The following SPTLC1 variants were observed in gnomAD, a reference collection of about 807,000 sequenced individuals.
SPTLC1 encodes serine palmitoyltransferase long chain base subunit 1, also known as serine palmitoyltransferase 1.
In SPTLC1, 55 loss-of-function variants were observed where a neutral mutation model predicts 68.9. That is an observed-to-expected ratio of 0.80 (90% confidence interval 0.64 to 1.00). The LOEUF (loss-of-function observed/expected upper bound fraction) is 1.00. SPTLC1 is among the 50% of genes least tolerant of loss of function. The pLI is 0.00. For synonymous variants in SPTLC1, 197 were observed against 201.6 expected (o/e 0.98, Z 0.19); for missense variants, 449 against 573.1 (o/e 0.78, Z 2.21).
intron 3 of SPTLC1, among the ~76,000 whole-genome samples, chr9:92,082,321 T>C (rs1834916015): frequency 6.6e-6 from 1 of 151,954 alleles, no homozygotes; most frequent in Admixed American, 6.6e-5. Context: ...ACATGTGACA[T>C]GCTGGTGTGC....
intron 13 of SPTLC1, among the ~76,000 whole-genome samples, chr9:92,037,613 G>A (rs1462994765): frequency 1.3e-5 from 2 of 152,220 alleles, no homozygotes; most frequent in Non-Finnish European, 2.9e-5. Context: ...AGGGCAGGAA[G>A]CACTCTGGAG....
chr9:92,081,922 C>A (rs942011494), intron 3 of SPTLC1, among the ~76,000 whole-genome samples: 1 of 152,026 alleles, frequency 6.6e-6, no homozygotes, highest in African/African-American at 2.4e-5. Context: ...TGCTGGGAAA[C>A]CAGGAAAAGA....
chr9:92,079,311 G>T, intron 5 of SPTLC1: 1 of 1,118,016 alleles, frequency 8.9e-7, no homozygotes, highest in East Asian at 3.0e-5. Flanking sequence ...CCTGACCTCA[G>T]GTGATCTGCC....
chr9:92,045,300 C>A (rs1280991410), intron 12 of SPTLC1, among the ~76,000 whole-genome samples: 1 of 150,804 alleles, frequency 6.6e-6, no homozygotes, highest in Non-Finnish European at 1.5e-5. Context: ...AATGTGAAAT[C>A]ACTTTATATA....
At chr9:92,098,860 A>G (rs1307064076) in intron 3 of SPTLC1, among the ~76,000 whole-genome samples, 3 of 151,906 alleles carry the variant, frequency 2.0e-5, no homozygotes, top group Non-Finnish European at 2.9e-5. Flanking sequence ...GCAGCTGCAT[A>G]TAACAACCAG....
At chr9:92,044,499 A>G (rs1233606101) in intron 12 of SPTLC1, among the ~76,000 whole-genome samples, 1 of 152,242 alleles carries the variant, frequency 6.6e-6, no homozygotes, top group Non-Finnish European at 1.5e-5. Flanking sequence ...AGCAGAAGCC[A>G]GGTCTCAGAG....
chr9:92,083,731 T>C (rs1268663520), intron 3 of SPTLC1, among the ~76,000 whole-genome samples: 9 of 152,152 alleles, frequency 5.9e-5, no homozygotes, highest in Non-Finnish European at 1.2e-4. Flanking sequence ...TGGGCTCTTT[T>C]TTGGTTCCAT....
intron 3 of SPTLC1, among the ~76,000 whole-genome samples, chr9:92,107,191 G>A (rs1836030352): frequency 1.3e-5 from 2 of 152,104 alleles, no homozygotes; most frequent in Non-Finnish European, 2.9e-5. Context: ...TCTAATCAAC[G>A]TTTATTATAA....
At chr9:92,108,384 A>G in intron 3 of SPTLC1, 2 of 311,050 alleles carry the variant, frequency 6.4e-6, no homozygotes, top group South Asian at 3.0e-5. Context: ...CATACTATAC[A>G]GTATCTAGAA....
At position 92,100,561 on chromosome 9, in the gene SPTLC1, C is replaced by T. The variant is rs567387546; in HGVS notation, c.260+8179G>A. Among the ~76,000 whole-genome samples, 5 of 152,312 alleles carry T rather than the reference C, an allele frequency of 3.3e-5. No individual in the cohort carries two copies. The South Asian group carries it at 1.0e-3, about 32-fold the overall frequency. ...ATTGTGCCATCAGTGCGCTCACCAA[C>T]TGGCCCTGGTGTTTCTAGGTGATCC... On this transcript the variant is annotated intron_variant, in intron 3 of 14. Transcript: ENST00000262554.
chr9:92,080,821 C>A (rs1834855311), intron 4 of SPTLC1, 49 bp downstream of exon 4: 1 of 1,465,888 alleles, frequency 6.8e-7, no homozygotes. Context: ...TGTCTAGTTT[C>A]TTAAATCAGT....
At chr9:92,106,944 C>T (rs909267553) in intron 3 of SPTLC1, among the ~76,000 whole-genome samples, 1 of 152,100 alleles carries the variant, frequency 6.6e-6, no homozygotes, top group Admixed American at 6.5e-5. Context: ...AGCAACTTTA[C>T]TATAGAAAAC....
intron 3 of SPTLC1, among the ~76,000 whole-genome samples, chr9:92,092,645 G>C (rs1038889767): frequency 1.3e-5 from 2 of 152,166 alleles, no homozygotes; most frequent in Non-Finnish European, 2.9e-5. Flanking sequence ...TGAGGCAGGA[G>C]AATGGCTTGA....
intron 3 of SPTLC1, among the ~76,000 whole-genome samples, chr9:92,087,849 G>C (rs934794098): frequency 1.3e-5 from 2 of 152,262 alleles, no homozygotes; most frequent in Non-Finnish European, 2.9e-5. Flanking sequence ...GCCCCCAGAG[G>C]TGGAGCCTAC....
At chr9:92,088,341 C>T (rs1835236173) in intron 3 of SPTLC1, among the ~76,000 whole-genome samples, 1 of 152,266 alleles carries the variant, frequency 6.6e-6, no homozygotes. Flanking sequence ...TTCTGCGTCG[C>T]TCACGCTGGG....
At chr9:92,049,001 T>C (rs1833611830) in intron 9 of SPTLC1, among the ~76,000 whole-genome samples, 1 of 152,174 alleles carries the variant, frequency 6.6e-6, no homozygotes, top group Admixed American at 6.5e-5. Flanking sequence ...TTTCATGCCT[T>C]AAAAAAGGCT....
chr9:92,034,208 T>TC (rs1281991746), intron 14 of SPTLC1, among the ~76,000 whole-genome samples: 1 of 152,246 alleles, frequency 6.6e-6, no homozygotes, highest in African/African-American at 2.4e-5. Flanking sequence ...ACTGACCATG[T>TC]CCATGCCCCC....
rs1836283812 is a variant in SPTLC1 at position 92,112,458 on chromosome 9, G to C, written c.162C>G (p.Val54=). The C allele has an allele frequency of 6.3e-7, 1 of 1,589,104 alleles. No homozygotes were observed. Among genetic ancestry groups the C allele is most frequent in the African/African-American group, 1.3e-5 (1 of 74,526 alleles). Residue 54 remains valine, a synonymous_variant, in exon 2 of 15, where the codon GTC becomes GTG. Transcript: ENST00000262554. ...YKLQERSDLT[V]KEKEELIEEW... is the part of the protein sequence containing the mutation. ...AAACAGAGATTTAATTTCGTACCTT[G>C]ACTGTAAGATCAGATCGTTCTTGTA...
At chr9:92,049,023 C>T (rs1046751405) in intron 9 of SPTLC1, among the ~76,000 whole-genome samples, 4 of 152,194 alleles carry the variant, frequency 2.6e-5, no homozygotes, top group African/African-American at 9.7e-5. Flanking sequence ...TAGTGTACTG[C>T]TAAATCTGCT....
Sources: gnomAD v4.1 joint callset for allele counts (sites outside exome capture counted in the v4.1 genomes callset) on GRCh38, gnomAD v4.1.1 for gene constraint, MANE v1.5 for transcripts, NCBI Gene and HGNC (gene_info 2026-07-23, HGNC 2026-07-21) for gene names.